The following LPP variants were observed in gnomAD, a reference collection of about 807,000 sequenced individuals.
LPP encodes lipoma-preferred partner.
In LPP, 38 loss-of-function variants were observed where a neutral mutation model predicts 60.4. That is an observed-to-expected ratio of 0.63 (90% CI 0.49 to 0.83). The LOEUF (loss-of-function observed/expected upper bound fraction) is 0.83, where lower values mean the gene tolerates loss of function less well. LPP is among the 40% of genes least tolerant of loss of function. The pLI is 0.00. For missense variants in LPP, 902 were observed against 783.6 expected, an observed-to-expected ratio of 1.15 and a Z score of -1.80; for synonymous variants, 328 against 290.8, an observed-to-expected ratio of 1.13 and a Z score of -1.30.
intron 4 of LPP, among the ~76,000 whole-genome samples, chr3:188,441,609 C>CTTGTTTTTTTTTTTTTT (rs1793884803): frequency 1.8e-5 from 1 of 55,652 alleles, no homozygotes; most frequent in Non-Finnish European, 3.4e-5. Context: ...CTTTTCTTTT[C>CTTGTTTTTTTTTTTTTT]TTTTTTTTTT....
chr3:188,412,454 G>T (rs1785135200), intron 4 of LPP, among the ~76,000 whole-genome samples: 2 of 152,086 alleles, frequency 1.3e-5, no homozygotes, highest in African/African-American at 2.4e-5. Context: ...CATTTCAGTA[G>T]AAAATTCTTA....
intron 4 of LPP, among the ~76,000 whole-genome samples, chr3:188,430,380 G>A (rs970030318): frequency 6.6e-6 from 1 of 151,992 alleles, no homozygotes; most frequent in Non-Finnish European, 1.5e-5. Context: ...TTTAAAAGTA[G>A]GATAGCATGT....
intron 2 of LPP, among the ~76,000 whole-genome samples, chr3:188,252,031 G>GAT (rs10579787): frequency 2.7e-3 from 111 of 41,380 alleles, no homozygotes; most frequent in East Asian, 4.0e-3. Flanking sequence ...TTTTAATCCT[G>GAT]ATATATATAT....
At chr3:188,844,563 G>A (rs1356938796) in intron 9 of LPP, among the ~76,000 whole-genome samples, 2 of 152,196 alleles carry the variant, frequency 1.3e-5, no homozygotes, top group East Asian at 1.9e-4. Flanking sequence ...CAATAATGTA[G>A]TGATTCCAAG....
intron 8 of LPP, among the ~76,000 whole-genome samples, chr3:188,744,525 C>A (rs1392751219): frequency 1.3e-5 from 2 of 152,122 alleles, no homozygotes; most frequent in African/African-American, 4.8e-5. Flanking sequence ...TGCATGTATT[C>A]ATTGTGCTAT....
intron 4 of LPP, among the ~76,000 whole-genome samples, chr3:188,457,858 G>A (rs565814874): frequency 1.3e-5 from 2 of 151,920 alleles, no homozygotes; most frequent in South Asian, 2.1e-4. Context: ...GCAGTGATCC[G>A]AGATCACGCC....
At chr3:188,375,269 T>C (rs1774665819) in intron 3 of LPP, among the ~76,000 whole-genome samples, 3 of 152,186 alleles carry the variant, frequency 2.0e-5, no homozygotes, top group Non-Finnish European at 4.4e-5. Flanking sequence ...TTGCAATAGT[T>C]TCAGAAGGAA....
intron 9 of LPP, among the ~76,000 whole-genome samples, chr3:188,857,587 A>G (rs1163608951): frequency 6.6e-6 from 1 of 152,266 alleles, no homozygotes; most frequent in Non-Finnish European, 1.5e-5. Flanking sequence ...ATAAAGGAAT[A>G]TAAATTACTT....
chr3:188,835,266 T>C (rs565451916), intron 9 of LPP, among the ~76,000 whole-genome samples: 2 of 145,798 alleles, frequency 1.4e-5, no homozygotes, highest in East Asian at 4.1e-4. Flanking sequence ...TAGACTACCC[T>C]AGCCAATATG....
intron 9 of LPP, among the ~76,000 whole-genome samples, chr3:188,794,101 T>C (rs1744627555): frequency 6.6e-6 from 1 of 152,252 alleles, no homozygotes; most frequent in African/African-American, 2.4e-5. Flanking sequence ...TGCAGTACAA[T>C]ATTTATACAT....
chr3:188,179,233 G>A (rs1189160051), intron 1 of LPP: 1 of 457,936 alleles, frequency 2.2e-6, no homozygotes, highest in South Asian at 1.5e-5. Flanking sequence ...AGCATGCATG[G>A]AATCTTCGGC....
In LPP at chr3:188,613,988, C is replaced by T. The variant is rs112757949; in HGVS notation, c.1113+4144C>T. Reference sequence around the variant, plus strand: ...TGTCACCCAGGCTGGGGTGCAATGACGTGATCTCGGCTCACTGCAACCTCC... The same window carrying T: ...TGTCACCCAGGCTGGGGTGCAATGATGTGATCTCGGCTCACTGCAACCTCC... On this transcript the variant is annotated intron_variant, in intron 7 of 11. Coordinates refer to ENST00000617246, the MANE Select transcript of LPP (RefSeq NM_001375462.1). Among the ~76,000 whole-genome samples, 1,247 of 151,394 alleles carry T rather than the reference C, an allele frequency of 8.2e-3. 4 individuals carry two copies. Among genetic ancestry groups the T allele is most frequent in the Non-Finnish European group, 0.014 (928 of 67,890 alleles).
At chr3:188,734,377 T>G (rs1721747025) in intron 8 of LPP, among the ~76,000 whole-genome samples, 1 of 152,252 alleles carries the variant, frequency 6.6e-6, no homozygotes, top group Non-Finnish European at 1.5e-5. Flanking sequence ...AATTCCTGAC[T>G]GAGCATTATG....
intron 7 of LPP, among the ~76,000 whole-genome samples, chr3:188,641,572 A>G (rs917554994): frequency 3.3e-5 from 5 of 152,248 alleles, no homozygotes; most frequent in Non-Finnish European, 5.9e-5. Flanking sequence ...ATTGAATAGA[A>G]GTGGTCTAAT....
intron 4 of LPP, among the ~76,000 whole-genome samples, chr3:188,448,967 T>G (rs1269925010): frequency 6.6e-6 from 1 of 152,214 alleles, no homozygotes; most frequent in South Asian, 2.1e-4. Flanking sequence ...GATACTTTTT[T>G]CTACTTGAGG....
At chr3:188,369,389 G>C (rs985338494) in intron 3 of LPP, among the ~76,000 whole-genome samples, 8 of 151,934 alleles carry the variant, frequency 5.3e-5, no homozygotes, top group Non-Finnish European at 1.2e-4. Flanking sequence ...GTTCTAAGCT[G>C]CACCTCTCTG....
intron 7 of LPP, among the ~76,000 whole-genome samples, chr3:188,705,307 T>A (rs1865269682): frequency 6.6e-6 from 1 of 152,196 alleles, no homozygotes; most frequent in Non-Finnish European, 1.5e-5. Flanking sequence ...GAAACATGTC[T>A]TGTTCATCTT....
chr3:188,153,940 C>G (rs1279612525), upstream of LPP: 2 of 152,652 alleles, frequency 1.3e-5, no homozygotes, highest in Admixed American at 1.3e-4. Context: ...CACTTTTTGT[C>G]TGTGGGTTCG....
chr3:188,273,970 A>C (rs898803849), intron 2 of LPP, among the ~76,000 whole-genome samples: 1 of 152,156 alleles, frequency 6.6e-6, no homozygotes, highest in African/African-American at 2.4e-5. Context: ...TATATATGAA[A>C]TTATTTGTAA....
Sources: gnomAD v4.1 joint callset for allele counts (sites outside exome capture counted in the v4.1 genomes callset) on GRCh38, gnomAD v4.1.1 for gene constraint, MANE v1.5 for transcripts, NCBI Gene and HGNC (gene_info 2026-07-23, HGNC 2026-07-21) for gene names.